Variants in KLK9 observed in about 807,000 individuals in gnomAD.
The protein encoded by KLK9 is kallikrein-9.
Under a neutral mutation model 23.3 loss-of-function variants are expected in KLK9, and 26 were observed. That is an observed-to-expected ratio of 1.12 (90% CI 0.82 to 1.55). The LOEUF (loss-of-function observed/expected upper bound fraction) is 1.55. Ranked by LOEUF, KLK9 falls within the 40% of genes most tolerant of loss-of-function variation. The pLI, the probability that KLK9 is intolerant of heterozygous loss-of-function variation, is 0.00. For missense variants in KLK9, 346 were observed against 333.7 expected (o/e 1.04, Z -0.29); for synonymous variants, 122 against 128.5 (o/e 0.95, Z 0.34).
At position 51,003,063 on chromosome 19, in the gene KLK9, C is replaced by A; in HGVS notation, c.*48G>T. The stretch of plus-strand genomic sequence containing the variant: ...CCCTACGAGAACCCCCTACCCCGTG[C>A]CCTTCGGCCTCTCTTGGTCTTCCAA... On this transcript the variant is annotated 3_prime_UTR_variant, in exon 5 of 5. Coordinates refer to ENST00000594211, the MANE Select transcript of KLK9 (RefSeq NM_012315.2). The A allele has an allele frequency of 6.4e-7, 1 of 1,571,804 alleles. No homozygotes were observed. Among genetic ancestry groups the A allele is most frequent in the Non-Finnish European group, 8.6e-7 (1 of 1,156,514 alleles).
Position 51,009,108 on chromosome 19 carries a change from G to T in KLK9, c.200+75C>A, listed in dbSNP as rs2122370230. ...CAGAAGTGGAGGCTCCGCACTTCTGGCCTAAAGCACCCCTCACCCTCTCCT... is the reference window on the plus strand; with the variant it reads ...CAGAAGTGGAGGCTCCGCACTTCTGTCCTAAAGCACCCCTCACCCTCTCCT... On this transcript the variant is annotated intron_variant, in intron 2 of 4. Transcript: ENST00000594211. The surrounding 1 kb of genome is among the most constrained non-coding windows in gnomAD (Gnocchi z 4.8). The T allele has an allele frequency of 6.6e-7, 1 of 1,505,744 alleles. No individual in the cohort carries two copies. 93.3% of individuals were successfully genotyped at this position (1,505,744 alleles called of 1,614,324 possible). A position where few individuals can be genotyped will look rare whatever the true frequency, so the allele number is the denominator to read the frequency against.
At position 51,009,264 on chromosome 19, in the gene KLK9, A is replaced by C. The variant is rs1350850522; in HGVS notation, c.119T>G (p.Leu40Arg). Reference sequence around the variant, plus strand: ...ACAGAAGAGCCGAGTAAGGTGGAAGAGGCCGGCCTGCCAAGGCTGGGAGTT... The same window carrying C: ...ACAGAAGAGCCGAGTAAGGTGGAAGCGGCCGGCCTGCCAAGGCTGGGAGTT... ...RPNSQPWQAG[L>R]FHLTRLFCGA... The change falls in exon 2 of 5, where the codon CTC (leucine) becomes CGC (arginine). Residue 40 changes from leucine (L) to arginine (R), a missense_variant. Leu to Arg is a moderately radical substitution (Grantham distance 102). Transcript: ENST00000594211. This position sits in a 1 kb window ranked among gnomAD's most constrained non-coding sequence, Gnocchi z 4.8. 1 of 1,608,274 alleles carries C rather than the reference A, an allele frequency of 6.2e-7. No homozygotes were observed. Among genetic ancestry groups the C allele is most frequent in the African/African-American group, 1.3e-5 (1 of 74,940 alleles).
At chr19:51,008,050 G>A (rs958219484) in intron 2 of KLK9, among the ~76,000 whole-genome samples, 4 of 151,836 alleles carry the variant, frequency 2.6e-5, no homozygotes, top group Non-Finnish European at 5.9e-5. Flanking sequence ...TAGAATTTTG[G>A]CTGGGCGCGG....
intron 2 of KLK9, among the ~76,000 whole-genome samples, chr19:51,007,580 C>G (rs2091260606): frequency 6.6e-6 from 1 of 151,828 alleles, no homozygotes; most frequent in Admixed American, 6.6e-5. Flanking sequence ...ACCTTCATAT[C>G]TCTGCATTTC....
At chr19:51,003,893 C>A in intron 3 of KLK9, 53 bp from the exon 4 acceptor site, 1 of 1,529,382 alleles carries the variant, frequency 6.5e-7, no homozygotes, top group Non-Finnish European at 9.0e-7. Flanking sequence ...ACACACTCAG[C>A]ACCCCACTGC....
rs2091267310 is a variant in KLK9, at chr19:51,009,303, T to C, written c.80A>G (p.Glu27Gly). The C allele has an allele frequency of 1.3e-6, 2 of 1,595,852 alleles. No homozygotes were observed. Among genetic ancestry groups the C allele is most frequent in the African/African-American group, 2.7e-5 (2 of 74,684 alleles). Residue 27 changes from glutamate (E) to glycine (G), a missense_variant, in exon 2 of 5, where the codon GAG becomes GGG. Coordinates refer to ENST00000594211, the MANE Select transcript of KLK9 (RefSeq NM_012315.2). The surrounding 1 kb of genome is among the most constrained non-coding windows in gnomAD (Gnocchi z 4.8). ...GWADTRAIGA[E>G]ECRPNSQPWQ... ...AGGCTGGGAGTTGGGGCGACATTCC[T>C]CGGCCCCGATGGCACGGGTGTCTGC...
intron 3 of KLK9, among the ~76,000 whole-genome samples, chr19:51,004,338 C>CAAAAAAAAAAAAAAAAA (rs71333922): frequency 3.1e-5 from 1 of 32,564 alleles, no homozygotes; most frequent in Non-Finnish European, 5.6e-5. Context: ...GACTCCGTCT[C>CAAAAAAAAAAAAAAAAA]AAAAAAAAAA....
intron 2 of KLK9, among the ~76,000 whole-genome samples, chr19:51,007,428 G>T (rs552278859): frequency 6.6e-6 from 1 of 151,792 alleles, no homozygotes; most frequent in Admixed American, 6.6e-5. Context: ...TAATGACTGC[G>T]AATTCAGGGT....
chr19:51,007,134 C>T (rs780217040), intron 2 of KLK9, among the ~76,000 whole-genome samples: 2 of 151,934 alleles, frequency 1.3e-5, no homozygotes, highest in South Asian at 2.1e-4. Context: ...TCTGTGGGAG[C>T]GGCTCTGTAT....
Position 51,003,039 on chromosome 19 carries a change from C to T in KLK9, c.*72G>A. ...GGGCGGGAACCATTGAGGCTGGGAC[C>T]CTACGAGAACCCCCTACCCCGTGCC... On this transcript the variant is annotated 3_prime_UTR_variant, in exon 5 of 5. Coordinates refer to ENST00000594211, the MANE Select transcript of KLK9 (RefSeq NM_012315.2). 1.3e-6 allele frequency: 2 copies of T among 1,517,852 alleles called. No homozygotes were observed. The highest frequency in any genetic ancestry group is 1.9e-5 in the Admixed American group (1 of 53,210). 94.0% of individuals were successfully genotyped at this position (1,517,852 alleles called of 1,614,324 possible).
At position 51,009,542 on chromosome 19, in the gene KLK9, C is replaced by T; in HGVS notation, c.6G>A (p.Lys2=). Residue 2 remains lysine, a synonymous_variant, in exon 1 of 5, where the codon AAG becomes AAA. Transcript: ENST00000594211. The surrounding 1 kb of genome is among the most constrained non-coding windows in gnomAD (Gnocchi z 4.8). M[K]LGLLCALLSL... is the part of the protein sequence containing the mutation. ...AGAGCAGAGCACAGAGGAGTCCCAGCTTCATGACCCCTGGGCACCTGGATC... is the reference window on the plus strand; with the variant it reads ...AGAGCAGAGCACAGAGGAGTCCCAGTTTCATGACCCCTGGGCACCTGGATC... 6.2e-7 allele frequency: 1 copy of T among 1,612,818 alleles called. No individual in the cohort carries two copies. Among genetic ancestry groups the T allele is most frequent in the East Asian group, 2.2e-5 (1 of 44,856 alleles).
At chr19:51,003,464 C>G (rs1600128844) in intron 4 of KLK9, among the ~76,000 whole-genome samples, 2 of 152,120 alleles carry the variant, frequency 1.3e-5, no homozygotes, top group South Asian at 4.1e-4. Flanking sequence ...TCCTCCTCCC[C>G]GAGGACTCAG....
intron 3 of KLK9, among the ~76,000 whole-genome samples, chr19:51,005,122 C>A (rs2091250839): frequency 6.6e-6 from 1 of 152,148 alleles, no homozygotes; most frequent in African/African-American, 2.4e-5. Flanking sequence ...AGAAACCTGG[C>A]TTTTGTATAA....
chr19:51,007,948 C>T (rs1273063354), intron 2 of KLK9, among the ~76,000 whole-genome samples: 5 of 151,974 alleles, frequency 3.3e-5, no homozygotes, highest in African/African-American at 1.2e-4. Flanking sequence ...ATTCCAGATT[C>T]CCCTGGATCA....
chr19:51,009,421 C>G lies in KLK9; in HGVS notation c.44-82G>C. ...AGAGGATGCTGAGAAGCCTAGAGGGCAGGAGGCAGAAGCCTGGGATGGGAG... is the reference window on the plus strand; with the variant it reads ...AGAGGATGCTGAGAAGCCTAGAGGGGAGGAGGCAGAAGCCTGGGATGGGAG... On this transcript the variant is annotated intron_variant, in intron 1 of 4. Transcript: ENST00000594211. The surrounding 1 kb of genome is among the most constrained non-coding windows in gnomAD (Gnocchi z 4.8). 1.3e-6 allele frequency: 2 copies of G among 1,551,966 alleles called. No individual in the cohort carries two copies. The highest frequency in any genetic ancestry group is 2.5e-5 in the South Asian group (2 of 80,190).
intron 3 of KLK9, among the ~76,000 whole-genome samples, chr19:51,004,280 C>T (rs1321120476): frequency 8.1e-6 from 1 of 123,322 alleles, no homozygotes; most frequent in East Asian, 2.7e-4. Flanking sequence ...GTGGAGGTTG[C>T]AGTGAGCCGA....
At chr19:51,008,068 C>T (rs937983566) in intron 2 of KLK9, among the ~76,000 whole-genome samples, 6 of 151,708 alleles carry the variant, frequency 4.0e-5, no homozygotes, top group Non-Finnish European at 8.8e-5. Context: ...CGGTGGCTCA[C>T]GCCTGTAATC....
rs762650669 is a variant in KLK9, at chr19:51,009,305, G to A, written c.78C>T (p.Ala26=). 1.9e-5 allele frequency: 30 copies of A among 1,594,460 alleles called. No homozygotes were observed. The highest frequency in any genetic ancestry group is 9.1e-5 in the South Asian group (8 of 87,852). The stretch of plus-strand genomic sequence containing the variant: ...GCTGGGAGTTGGGGCGACATTCCTC[G>A]GCCCCGATGGCACGGGTGTCTGCCC... ...HGWADTRAIG[A]EECRPNSQPW... is the part of the protein sequence containing the mutation. Residue 26 remains alanine, a synonymous_variant, in exon 2 of 5, where the codon GCC becomes GCT. Coordinates refer to ENST00000594211, the MANE Select transcript of KLK9 (RefSeq NM_012315.2). The surrounding 1 kb of genome is among the most constrained non-coding windows in gnomAD (Gnocchi z 4.8).
rs1391690287 is a variant in KLK9, at chr19:51,006,388, CAG to C, written c.466+68_466+69del. ...AGAGAGGAGAGAGAAAAGGAGAAGA[CAG>C]AGATGAAAAGGCAGAGACAGAGGGG... On this transcript the variant is annotated intron_variant, in intron 3 of 4. Coordinates refer to ENST00000594211, the MANE Select transcript of KLK9 (RefSeq NM_012315.2). The surrounding 1 kb of genome is among the most constrained non-coding windows in gnomAD (Gnocchi z 4.1). The C allele has an allele frequency of 4.3e-6, 6 of 1,382,950 alleles. No homozygotes were observed. Among genetic ancestry groups the C allele is most frequent in the East Asian group, 2.5e-5 (1 of 40,074 alleles). The allele number at this position is 1,382,950 out of a possible 1,614,324, so 85.7% of individuals were successfully genotyped here. A position where few individuals can be genotyped will look rare whatever the true frequency, so the allele number is the denominator to read the frequency against.
Sources: gnomAD v4.1 joint callset for allele counts (sites outside exome capture counted in the v4.1 genomes callset) on GRCh38, gnomAD v4.1.1 for gene constraint, Gnocchi (gnomAD v3.1) non-coding constraint, MANE v1.5 for transcripts, NCBI Gene and HGNC (gene_info 2026-07-23, HGNC 2026-07-21) for gene names.